Variants in SLC44A5 observed in about 807,000 individuals in gnomAD.
SLC44A5 encodes solute carrier family 44 member 5, also known as choline transporter-like protein 5.
SLC44A5 carries 57 observed loss-of-function variants against 101.8 expected under a neutral mutation model. The ratio of observed to expected loss-of-function variants is 0.56; its 90% CI spans 0.45 to 0.70. The LOEUF (loss-of-function observed/expected upper bound fraction) is 0.70, where lower values mean the gene tolerates loss of function less well. SLC44A5 is among the 30% of genes least tolerant of loss of function. The probability of loss-of-function intolerance (pLI) is 0.00; values close to 1 mark genes in which losing one functional copy is unlikely to be tolerated. For missense variants in SLC44A5, 737 were observed against 853.1 expected (o/e 0.86, Z 1.70); for synonymous variants, 281 against 290.9 (o/e 0.97, Z 0.35).
At chr1:75,664,676 C>T in the SLC44A5 span, among the ~76,000 whole-genome samples, 155 of 152,158 alleles carry the variant, frequency 1.0e-3, 1 homozygote, top group Non-Finnish European at 1.9e-3. Flanking sequence ...AATCCCAGCA[C>T]TTTGGGAGGC....
chr1:75,233,854 G>GT (rs1223810684), intron 12 of SLC44A5, 132 bp downstream of exon 12: 3 of 685,982 alleles, frequency 4.4e-6, no homozygotes, highest in Non-Finnish European at 7.3e-6. Flanking sequence ...TTTTTTCTAA[G>GT]TTTAAAGCTT....
intron 5 of SLC44A5, among the ~76,000 whole-genome samples, chr1:75,287,024 C>A (rs546203364): frequency 6.6e-6 from 1 of 152,098 alleles, no homozygotes; most frequent in Non-Finnish European, 1.5e-5. Context: ...CGATTAGTCC[C>A]TCAAATATGT....
At chr1:75,704,454 G>C in the SLC44A5 span, among the ~76,000 whole-genome samples, 3 of 152,032 alleles carry the variant, frequency 2.0e-5, no homozygotes, top group African/African-American at 7.3e-5. Context: ...CGATACCTCA[G>C]CTCAAACAGA....
intron 5 of SLC44A5, among the ~76,000 whole-genome samples, chr1:75,300,014 C>CAAAAAAAAAAAAAA (rs35608663): frequency 2.5e-4 from 23 of 93,768 alleles, no homozygotes; most frequent in African/African-American, 1.2e-3. Flanking sequence ...GACTCTGTCT[C>CAAAAAAAAAAAAAA]AAAAAAAAAA....
the SLC44A5 span, among the ~76,000 whole-genome samples, chr1:75,675,398 A>T: frequency 4.6e-5 from 7 of 151,596 alleles, no homozygotes; most frequent in Admixed American, 4.6e-4. Context: ...TTTTTTCACG[A>T]TTTGGCTCTC....
intron 1 of SLC44A5, among the ~76,000 whole-genome samples, chr1:75,556,122 G>C (rs11163664): frequency 6.6e-6 from 1 of 151,860 alleles, no homozygotes; most frequent in African/African-American, 2.4e-5. Context: ...GAAGTCATCA[G>C]AGGTGATGAT....
chr1:75,581,112 G>T, intron 1 of SLC44A5, among the ~76,000 whole-genome samples: 1 of 152,158 alleles, frequency 6.6e-6, no homozygotes, highest in East Asian at 1.9e-4. Flanking sequence ...AGGCAGACAA[G>T]CCAGACCCTG....
At chr1:75,614,715 C>G (rs1355632892), upstream of SLC44A5, among the ~76,000 whole-genome samples, 2 of 152,194 alleles carry the variant, frequency 1.3e-5, no homozygotes, top group Non-Finnish European at 2.9e-5. Context: ...ACCCCAAAGG[C>G]TCAGTAAGTC....
chr1:75,715,405 G>A, the SLC44A5 span, among the ~76,000 whole-genome samples: 1 of 152,076 alleles, frequency 6.6e-6, no homozygotes, highest in South Asian at 2.1e-4. Flanking sequence ...ATACTACAAG[G>A]CTACAGTAAC....
rs193197227 is a variant in SLC44A5 at position 75,566,560 on chromosome 1, A to G, written c.-69-25044T>C. Among the ~76,000 whole-genome samples, 136 of 152,350 alleles carry G rather than the reference A, an allele frequency of 8.9e-4. 1 individual carries two copies. In the South Asian group the frequency reaches 0.014, roughly 15 times the overall value. On this transcript the variant is annotated intron_variant, in intron 1 of 23. Transcript: ENST00000370859. ...CAACTTTGTGTTAAAACCATTGTGAAAATGCAGCTAGATTCTTTAAAAATC... is the reference window on the plus strand; with the variant it reads ...CAACTTTGTGTTAAAACCATTGTGAGAATGCAGCTAGATTCTTTAAAAATC...
intron 5 of SLC44A5, among the ~76,000 whole-genome samples, chr1:75,277,901 A>T (rs1652062357): frequency 6.6e-6 from 1 of 152,198 alleles, no homozygotes; most frequent in Non-Finnish European, 1.5e-5. Context: ...CTGAAACATA[A>T]AGACTTTGAG....
chr1:75,512,153 T>C (rs2101872999), intron 2 of SLC44A5, among the ~76,000 whole-genome samples: 2 of 152,268 alleles, frequency 1.3e-5, no homozygotes, highest in East Asian at 3.9e-4. Flanking sequence ...TCCCTAAATA[T>C]ATAATCTACT....
At chr1:75,615,591 G>A (rs1374013631), upstream of SLC44A5, among the ~76,000 whole-genome samples, 4 of 151,986 alleles carry the variant, frequency 2.6e-5, no homozygotes, top group Admixed American at 6.6e-5. Context: ...CAAGCTCGCC[G>A]AGTAGCAAAG....
intron 2 of SLC44A5, among the ~76,000 whole-genome samples, chr1:75,536,672 A>T (rs1671033073): frequency 6.7e-6 from 1 of 149,558 alleles, no homozygotes; most frequent in African/African-American, 2.4e-5. Context: ...AAATAAATAA[A>T]TAATTATTAT....
intron 4 of SLC44A5, among the ~76,000 whole-genome samples, chr1:75,321,622 G>C (rs933276694): frequency 1.6e-4 from 24 of 152,036 alleles, no homozygotes; most frequent in African/African-American, 5.5e-4. Flanking sequence ...ATATTTTGGG[G>C]GACACAAACA....
intron 6 of SLC44A5, among the ~76,000 whole-genome samples, chr1:75,253,598 C>G (rs1340063759): frequency 6.6e-6 from 1 of 152,156 alleles, no homozygotes; most frequent in Non-Finnish European, 1.5e-5. Flanking sequence ...TCCACACAGT[C>G]TCACAGTGCA....
At chr1:75,468,467 C>T (rs1362961576) in intron 2 of SLC44A5, among the ~76,000 whole-genome samples, 1 of 152,120 alleles carries the variant, frequency 6.6e-6, no homozygotes, top group Non-Finnish European at 1.5e-5. Context: ...ATATTATACA[C>T]CATGTAGTAC....
At chr1:75,489,606 C>T (rs72988776) in intron 2 of SLC44A5, among the ~76,000 whole-genome samples, 4,584 of 152,232 alleles carry the variant, frequency 0.03, 235 homozygotes, top group African/African-American at 0.11. Flanking sequence ...ATGGAATGGC[C>T]TGCCTTTGTT....
chr1:75,252,846 G>T lies in SLC44A5; in HGVS notation c.261-1552C>A, dbSNP rs115916832. Among the ~76,000 whole-genome samples the T allele has an allele frequency of 3.0e-3, 460 of 152,310 alleles. 1 individual carries two copies. Among genetic ancestry groups the T allele is most frequent in the African/African-American group, 0.01 (435 of 41,568 alleles). On this transcript the variant is annotated intron_variant, in intron 6 of 23. Transcript: ENST00000370859. ...CAATAAACGGACTTGAGCCTCCCTG[G>T]TGGTACCTCACCTGACATTAAGAGA...
Sources: allele counts gnomAD v4.1 joint callset (sites outside exome capture counted in the v4.1 genomes callset), GRCh38; gene constraint gnomAD v4.1.1; transcripts MANE v1.5; gene names NCBI Gene and HGNC (gene_info 2026-07-23, HGNC 2026-07-21).